Variants in LRRC37A2 observed in about 807,000 individuals in gnomAD.
The protein encoded by LRRC37A2 is leucine-rich repeat-containing protein 37A2.
A neutral mutation model predicts 68.8 loss-of-function variants in LRRC37A2; 9 were observed. That is an observed-to-expected ratio of 0.13 (90% CI 0.08 to 0.23). The LOEUF (loss-of-function observed/expected upper bound fraction) is 0.23, where lower values mean the gene tolerates loss of function less well. Among genes scored for constraint, LRRC37A2 ranks in the 10% least tolerant of loss-of-function variants. The pLI is 1.00. For synonymous variants in LRRC37A2, 63 were observed against 367.6 expected, an observed-to-expected ratio of 0.17 and a Z score of 9.48; for missense variants, 168 against 950.4, an observed-to-expected ratio of 0.18 and a Z score of 10.82.
chr17:46,878,851 C>T, the LRRC37A2 span, among the ~76,000 whole-genome samples: 1 of 152,216 alleles, frequency 6.6e-6, no homozygotes, highest in African/African-American at 2.4e-5. Context: ...TGGCTGGCTG[C>T]TAACATGGAC....
the LRRC37A2 span, among the ~76,000 whole-genome samples, chr17:46,957,938 G>T: frequency 6.6e-6 from 1 of 152,230 alleles, no homozygotes; most frequent in Non-Finnish European, 1.5e-5. Context: ...CATGGCAATG[G>T]AAGTGAGAGG....
At chr17:46,932,243 C>A in the LRRC37A2 span, 23 of 1,611,122 alleles carry the variant, frequency 1.4e-5, no homozygotes, top group Admixed American at 3.3e-4. Flanking sequence ...CTTGACAGAT[C>A]GTGGGGGCTG....
chr17:46,910,247 G>A, the LRRC37A2 span: 1 of 152,226 alleles, frequency 6.6e-6, no homozygotes, highest in Non-Finnish European at 1.5e-5. Flanking sequence ...GACTCATTGA[G>A]TGGCATGGGT....
chr17:46,940,451 A>G, the LRRC37A2 span: 11 of 1,608,270 alleles, frequency 6.8e-6, no homozygotes, highest in Non-Finnish European at 9.3e-6. Flanking sequence ...TGACATTTCC[A>G]TTACACACAG....
At chr17:46,919,334 C>T in the LRRC37A2 span, among the ~76,000 whole-genome samples, 1 of 151,986 alleles carries the variant, frequency 6.6e-6, no homozygotes, top group Non-Finnish European at 1.5e-5. Context: ...AGTGGTTTAG[C>T]CATACAAGAA....
chr17:46,940,423 A>G, the LRRC37A2 span: 1 of 1,598,674 alleles, frequency 6.3e-7, no homozygotes, highest in Non-Finnish European at 8.5e-7. Context: ...AGATCTGTCT[A>G]ACTCTGGGGA....
the LRRC37A2 span, among the ~76,000 whole-genome samples, chr17:46,797,124 C>CTAA: frequency 6.6e-6 from 1 of 152,162 alleles, no homozygotes; most frequent in Non-Finnish European, 1.5e-5. Context: ...TAATGAGCTG[C>CTAA]TAATATTCAA....
the LRRC37A2 span, among the ~76,000 whole-genome samples, chr17:46,816,731 G>C: frequency 6.6e-6 from 1 of 152,194 alleles, no homozygotes; most frequent in African/African-American, 2.4e-5. Flanking sequence ...TAGTTCATAG[G>C]GCCGGAGAGA....
At position 46,534,820 on chromosome 17, in the gene LRRC37A2, G is replaced by A. The variant is rs538717484; in HGVS notation, c.2907-5356G>A. ...TCCCGGAGGGGGCGGCTGGCCAGGC[G>A]GGGGCTGGCCCCCACCTCCCTCCCA... On this transcript the variant is annotated intron_variant, in intron 6 of 14. Transcript: ENST00000576629. 3.5e-4 allele frequency among the ~76,000 whole-genome samples: 51 copies of A among 147,190 alleles called. 1 individual carries two copies. Among genetic ancestry groups the A allele is most frequent in the African/African-American group, 1.1e-3 (40 of 37,320 alleles).
chr17:46,492,170 G>C, the LRRC37A2 span, among the ~76,000 whole-genome samples: 1 of 151,472 alleles, frequency 6.6e-6, no homozygotes, highest in Non-Finnish European at 1.5e-5. Flanking sequence ...TCACCATGTT[G>C]GCCAGGCTGG....
chr17:46,770,134 G>A, the LRRC37A2 span: 1 of 1,451,358 alleles, frequency 6.9e-7, no homozygotes, highest in Admixed American at 2.4e-5. Flanking sequence ...AGGACGTGAG[G>A]GGAACGAGGC....
chr17:46,530,374 C>T (rs1468128554), intron 6 of LRRC37A2, among the ~76,000 whole-genome samples: 1 of 144,058 alleles, frequency 6.9e-6, no homozygotes, highest in Non-Finnish European at 1.5e-5. Context: ...CACTCACATT[C>T]TTTCTCTTTG....
chr17:46,903,763 A>T, the LRRC37A2 span, among the ~76,000 whole-genome samples: 1 of 100,404 alleles, frequency 1.0e-5, no homozygotes. Context: ...GAGTGGATGG[A>T]TGGGTGGGGT....
At chr17:46,835,568 C>T in the LRRC37A2 span, among the ~76,000 whole-genome samples, 3 of 152,230 alleles carry the variant, frequency 2.0e-5, no homozygotes, top group Non-Finnish European at 4.4e-5. Context: ...TCCACCCTCA[C>T]CTCCTCCAGG....
At chr17:46,731,048 CAT>C in the LRRC37A2 span, among the ~76,000 whole-genome samples, 1 of 152,128 alleles carries the variant, frequency 6.6e-6, no homozygotes, top group African/African-American at 2.4e-5. Flanking sequence ...CAATGAAAAA[CAT>C]ATGTCCACAT....
chr17:46,936,209 A>G, the LRRC37A2 span: 29 of 985,324 alleles, frequency 2.9e-5, no homozygotes, highest in Non-Finnish European at 3.4e-5. Context: ...ATACATGTTG[A>G]TTAGTCTGCC....
At chr17:47,037,241 G>T in the LRRC37A2 span, among the ~76,000 whole-genome samples, 10 of 152,056 alleles carry the variant, frequency 6.6e-5, no homozygotes, top group East Asian at 1.5e-3. Flanking sequence ...AGTAAGCCGA[G>T]GTCACGCCAT....
chr17:46,938,689 A>G, the LRRC37A2 span: 2 of 1,613,796 alleles, frequency 1.2e-6, no homozygotes, highest in African/African-American at 1.3e-5. Flanking sequence ...TTTCCAGGAC[A>G]AGTACTTTAT....
At chr17:46,810,324 T>G in the LRRC37A2 span, among the ~76,000 whole-genome samples, 1 of 152,138 alleles carries the variant, frequency 6.6e-6, no homozygotes, top group Non-Finnish European at 1.5e-5. Context: ...TCCTCTTTTC[T>G]AGGACTCACA....
Sources: gnomAD v4.1 joint callset for allele counts (sites outside exome capture counted in the v4.1 genomes callset) on GRCh38, gnomAD v4.1.1 for gene constraint, MANE v1.5 for transcripts, NCBI Gene and HGNC (gene_info 2026-07-23, HGNC 2026-07-21) for gene names.